Variants in MPHOSPH9 observed in about 807,000 individuals in gnomAD.
The protein encoded by MPHOSPH9 is M-phase phosphoprotein 9.
In MPHOSPH9, 88 loss-of-function variants were observed where a neutral mutation model predicts 145.5. That is an observed-to-expected ratio of 0.60 (90% CI 0.51 to 0.72). The LOEUF (loss-of-function observed/expected upper bound fraction) is 0.72, where lower values mean the gene tolerates loss of function less well. Ranked by LOEUF, MPHOSPH9 falls within the 30% of genes least tolerant of loss-of-function variation. The pLI, the probability that MPHOSPH9 is intolerant of heterozygous loss-of-function variation, is 0.00. For missense variants in MPHOSPH9, 1,238 were observed against 1,386.6 expected (o/e 0.89, Z 1.70); for synonymous variants, 435 against 486.2 (o/e 0.89, Z 1.39).
chr12:123,199,036 C>T (rs771653600), intron 11 of MPHOSPH9, among the ~76,000 whole-genome samples: 4 of 151,404 alleles, frequency 2.6e-5, no homozygotes, highest in Non-Finnish European at 5.9e-5. Flanking sequence ...GACAGGATCT[C>T]ACTCCATAAC....
chr12:123,192,213 AGAGGCT>A (rs2045708418), intron 13 of MPHOSPH9, among the ~76,000 whole-genome samples: 1 of 152,088 alleles, frequency 6.6e-6, no homozygotes, highest in Admixed American at 6.6e-5. Context: ...CTGCACTTTG[AGAGGCT>A]GAGGCAGGAG....
intron 5 of MPHOSPH9, among the ~76,000 whole-genome samples, chr12:123,220,718 G>A (rs566450628): frequency 8.6e-5 from 13 of 151,980 alleles, no homozygotes; most frequent in African/African-American, 2.4e-4. Context: ...ATTGCACCAC[G>A]GCACACCAGC....
At chr12:123,182,263 T>TTTTTTTTTTTTTC (rs2045214369) in intron 13 of MPHOSPH9, among the ~76,000 whole-genome samples, 1 of 81,722 alleles carries the variant, frequency 1.2e-5, no homozygotes, top group Non-Finnish European at 2.4e-5. Context: ...TTTTTTTTGT[T>TTTTTTTTTTTTTC]TTTTTTTTTT....
At chr12:123,180,452 G>A (rs1464200338) in intron 14 of MPHOSPH9, among the ~76,000 whole-genome samples, 5 of 152,200 alleles carry the variant, frequency 3.3e-5, no homozygotes, top group Middle Eastern at 3.4e-3. Flanking sequence ...TTACACCATC[G>A]TCGAAGGGTT....
At chr12:123,193,121 ACACAC>A (rs2045784721) in intron 13 of MPHOSPH9, among the ~76,000 whole-genome samples, 1 of 145,768 alleles carries the variant, frequency 6.9e-6, no homozygotes, top group South Asian at 2.2e-4. Flanking sequence ...ACACACACAC[ACACAC>A]ACACACACAC....
intron 16 of MPHOSPH9, 75 bp downstream of exon 16, chr12:123,176,613 G>T: frequency 9.1e-7 from 1 of 1,104,168 alleles, no homozygotes; most frequent in African/African-American, 1.6e-5. Flanking sequence ...TTATGATTTA[G>T]ACAGATGAGT....
At chr12:123,209,548 CA>C (rs1289308988) in intron 8 of MPHOSPH9, among the ~76,000 whole-genome samples, 3 of 151,512 alleles carry the variant, frequency 2.0e-5, no homozygotes, top group African/African-American at 7.3e-5. Context: ...CTGGGATGAA[CA>C]GGCACACGCC....
At chr12:123,175,645 C>T (rs1336273729) in intron 16 of MPHOSPH9, among the ~76,000 whole-genome samples, 1 of 144,996 alleles carries the variant, frequency 6.9e-6, no homozygotes, top group Non-Finnish European at 1.5e-5. Context: ...TCCCAGACAC[C>T]CCACCCTGCC....
chr12:123,198,190 T>C, intron 12 of MPHOSPH9, 57 bp downstream of exon 12: 2 of 1,287,032 alleles, frequency 1.6e-6, no homozygotes, highest in South Asian at 1.3e-5. Context: ...TAACTGATGT[T>C]ATCACGAAAT....
At chr12:123,226,468 G>A (rs2047438861) in intron 3 of MPHOSPH9, 1 of 259,566 alleles carries the variant, frequency 3.9e-6, no homozygotes, top group South Asian at 8.0e-5. Flanking sequence ...ATCAAATCCA[G>A]CCTTAGGAAA....
intron 8 of MPHOSPH9, among the ~76,000 whole-genome samples, chr12:123,208,272 G>A (rs950089139): frequency 1.3e-5 from 2 of 151,666 alleles, no homozygotes; most frequent in African/African-American, 4.8e-5. Context: ...GGGCGCAGTG[G>A]TGCATGCCTG....
At chr12:123,216,320 A>G (rs1716161) in intron 6 of MPHOSPH9, among the ~76,000 whole-genome samples, 23,291 of 152,176 alleles carry the variant, frequency 0.15, 5,397 homozygotes, top group African/African-American at 0.5. Flanking sequence ...TGAAGAAATA[A>G]AATTTATTGA....
chr12:123,195,102 A>G (rs751251857), intron 12 of MPHOSPH9, among the ~76,000 whole-genome samples: 6 of 152,204 alleles, frequency 3.9e-5, no homozygotes, highest in Non-Finnish European at 8.8e-5. Flanking sequence ...ATCATAAGGT[A>G]TACAGGAAAC....
At chr12:123,218,964 G>A (rs2047084660) in intron 5 of MPHOSPH9, among the ~76,000 whole-genome samples, 1 of 151,948 alleles carries the variant, frequency 6.6e-6, no homozygotes, top group African/African-American at 2.4e-5. Flanking sequence ...CGGCAGTGGT[G>A]CAATGACAGC....
At chr12:123,184,792 C>A (rs1391312978) in intron 13 of MPHOSPH9, among the ~76,000 whole-genome samples, 2 of 151,450 alleles carry the variant, frequency 1.3e-5, no homozygotes. Flanking sequence ...GCCACCGTGC[C>A]CGGCCTATTT....
At chr12:123,189,309 T>G (rs1020910398) in intron 13 of MPHOSPH9, among the ~76,000 whole-genome samples, 1 of 152,184 alleles carries the variant, frequency 6.6e-6, no homozygotes, top group African/African-American at 2.4e-5. Context: ...GCAGACAGGC[T>G]GTCCCTGCTG....
At chr12:123,157,718 C>G (rs2137832258) in intron 23 of MPHOSPH9, among the ~76,000 whole-genome samples, 1 of 152,204 alleles carries the variant, frequency 6.6e-6, no homozygotes, top group South Asian at 2.1e-4. Flanking sequence ...AACTCCTGGC[C>G]TCAAGTGATC....
intron 1 of MPHOSPH9, among the ~76,000 whole-genome samples, chr12:123,239,481 C>A (rs2047897555): frequency 6.6e-6 from 1 of 151,920 alleles, no homozygotes; most frequent in South Asian, 2.1e-4. Context: ...CGGCTCACCG[C>A]AATCTCCACC....
chr12:123,192,644 A>T, intron 13 of MPHOSPH9, among the ~76,000 whole-genome samples: 1 of 149,950 alleles, frequency 6.7e-6, no homozygotes. Flanking sequence ...AAAAAAAAAA[A>T]AAAAAAAAAA....
Sources: allele counts gnomAD v4.1 joint callset (sites outside exome capture counted in the v4.1 genomes callset), GRCh38; gene constraint gnomAD v4.1.1; transcripts MANE v1.5; gene names NCBI Gene and HGNC (gene_info 2026-07-23, HGNC 2026-07-21).